NXPE2: variants seen among roughly 807,000 people sequenced by gnomAD.
NXPE2 encodes NXPE family member 2.
NXPE2 carries 34 observed loss-of-function variants against 34.4 expected under a neutral mutation model. The ratio of observed to expected loss-of-function variants is 0.99; its 90% CI spans 0.75 to 1.31. NXPE2 has a LOEUF of 1.31. Among genes scored for constraint, NXPE2 ranks in the 40% most tolerant of loss-of-function variants. The pLI is 0.00. For missense variants in NXPE2, 649 were observed against 672.5 expected, an observed-to-expected ratio of 0.97 and a Z score of 0.39; for synonymous variants, 235 against 231.3, an observed-to-expected ratio of 1.02 and a Z score of -0.15.
chr11:114,701,616 C>T (rs1203050588), intron 3 of NXPE2, among the ~76,000 whole-genome samples: 1 of 152,202 alleles, frequency 6.6e-6, no homozygotes, highest in African/African-American at 2.4e-5. Flanking sequence ...CAGCTGATTA[C>T]ACATCCAAGA....
intron 1 of NXPE2, 47 bp from the exon 2 acceptor site, chr11:114,679,610 G>A (rs765501794): frequency 1.6e-5 from 19 of 1,189,204 alleles, no homozygotes; most frequent in Admixed American, 1.0e-4. Context: ...GAGCCATGTC[G>A]TACTTATTTG....
chr11:114,537,467 A>G, the NXPE2 span, among the ~76,000 whole-genome samples: 1 of 152,204 alleles, frequency 6.6e-6, no homozygotes, highest in East Asian at 1.9e-4. Context: ...AGGGCATTCA[A>G]TTAGGAAAAG....
At chr11:114,555,354 G>A in the NXPE2 span, among the ~76,000 whole-genome samples, 36 of 152,206 alleles carry the variant, frequency 2.4e-4, no homozygotes, top group Non-Finnish European at 4.3e-4. Flanking sequence ...CTCCTGAGTA[G>A]CTGGGACTAC....
At chr11:114,735,678 CT>C in the NXPE2 span, among the ~76,000 whole-genome samples, 1 of 152,150 alleles carries the variant, frequency 6.6e-6, no homozygotes, top group African/African-American at 2.4e-5. Context: ...ATGTAAAAAA[CT>C]TCTAGCTTAA....
the NXPE2 span, among the ~76,000 whole-genome samples, chr11:114,654,724 T>C: frequency 6.6e-6 from 1 of 152,218 alleles, no homozygotes; most frequent in Non-Finnish European, 1.5e-5. Context: ...CTATCACTGA[T>C]GGACATTTGA....
chr11:114,525,353 T>C, the NXPE2 span, among the ~76,000 whole-genome samples: 1 of 151,952 alleles, frequency 6.6e-6, no homozygotes, highest in Non-Finnish European at 1.5e-5. Flanking sequence ...TCTTAAAACC[T>C]GTGAATATGT....
At chr11:114,620,256 G>T in the NXPE2 span, among the ~76,000 whole-genome samples, 1 of 151,524 alleles carries the variant, frequency 6.6e-6, no homozygotes, top group Non-Finnish European at 1.5e-5. Context: ...TTATTGCCTC[G>T]TGGGTAACTA....
the NXPE2 span, among the ~76,000 whole-genome samples, chr11:114,656,990 AG>A: frequency 5.9e-5 from 9 of 152,146 alleles, no homozygotes; most frequent in Non-Finnish European, 1.3e-4. Context: ...GCTACTCTGG[AG>A]GCTGAGGCAG....
chr11:114,581,576 C>A, the NXPE2 span: 1 of 657,354 alleles, frequency 1.5e-6, no homozygotes. Flanking sequence ...ATTCACTCAC[C>A]TAGGTAACTG....
At chr11:114,663,365 T>C in the NXPE2 span, among the ~76,000 whole-genome samples, 2 of 152,132 alleles carry the variant, frequency 1.3e-5, no homozygotes, top group African/African-American at 4.8e-5. Context: ...GTGGGCCCTC[T>C]TCCTGTTCAA....
chr11:114,656,285 C>G, the NXPE2 span, among the ~76,000 whole-genome samples: 2 of 151,756 alleles, frequency 1.3e-5, no homozygotes, highest in Admixed American at 6.7e-5. Context: ...AGGGAGGATA[C>G]AAACAAATGG....
At chr11:114,752,541 T>C in the NXPE2 span, among the ~76,000 whole-genome samples, 1 of 151,940 alleles carries the variant, frequency 6.6e-6, no homozygotes, top group Non-Finnish European at 1.5e-5. Context: ...ATGTGAGAAA[T>C]GATGATAGCA....
At chr11:114,556,638 C>T in the NXPE2 span, among the ~76,000 whole-genome samples, 1 of 151,864 alleles carries the variant, frequency 6.6e-6, no homozygotes, top group Non-Finnish European at 1.5e-5. Context: ...TGTCAAATTC[C>T]CTCTAGTTTC....
chr11:114,727,028 C>A, the NXPE2 span, among the ~76,000 whole-genome samples: 17 of 152,010 alleles, frequency 1.1e-4, no homozygotes, highest in African/African-American at 4.1e-4. Context: ...ATAATCTAGG[C>A]TTTTTCTAGC....
chr11:114,741,797 A>C, the NXPE2 span, among the ~76,000 whole-genome samples: 1 of 152,134 alleles, frequency 6.6e-6, no homozygotes, highest in Non-Finnish European at 1.5e-5. Context: ...TTGTTAGGCA[A>C]TTGATCATAA....
At chr11:114,615,739 G>A in the NXPE2 span, among the ~76,000 whole-genome samples, 12 of 146,156 alleles carry the variant, frequency 8.2e-5, no homozygotes, top group South Asian at 2.2e-4. Flanking sequence ...ACGGGTAACC[G>A]CTGTTACTCA....
the NXPE2 span, among the ~76,000 whole-genome samples, chr11:114,641,539 G>A: frequency 6.6e-6 from 1 of 152,086 alleles, no homozygotes; most frequent in Non-Finnish European, 1.5e-5. Flanking sequence ...AACTGTACAT[G>A]CAGCTATTAA....
the NXPE2 span, among the ~76,000 whole-genome samples, chr11:114,534,925 A>G: frequency 6.6e-6 from 1 of 152,226 alleles, no homozygotes; most frequent in Non-Finnish European, 1.5e-5. Flanking sequence ...CAGGAAATAC[A>G]GAGAACGCCA....
At chr11:114,470,858 C>T in the NXPE2 span, among the ~76,000 whole-genome samples, 1 of 152,160 alleles carries the variant, frequency 6.6e-6, no homozygotes, top group Non-Finnish European at 1.5e-5. Context: ...CTGCTTTACT[C>T]AGAGTCTACT....
Sources: allele counts gnomAD v4.1 joint callset (sites outside exome capture counted in the v4.1 genomes callset), GRCh38; gene constraint gnomAD v4.1.1; transcripts MANE v1.5; gene names NCBI Gene and HGNC (gene_info 2026-07-23, HGNC 2026-07-21).